Variants in CELF2 observed in about 807,000 individuals in gnomAD.
CELF2 encodes the protein CUG triplet repeat RNA-binding protein 2.
CELF2 carries 8 observed loss-of-function variants against 62.6 expected under a neutral mutation model. The ratio of observed to expected loss-of-function variants is 0.13; its 90% CI spans 0.07 to 0.23. CELF2 has a LOEUF of 0.23. Ranked by LOEUF, CELF2 falls within the 10% of genes least tolerant of loss-of-function variation. The pLI is 1.00. For synonymous variants in CELF2, 258 were observed against 250.0 expected, an observed-to-expected ratio of 1.03 and a Z score of -0.30; for missense variants, 333 against 671.0, an observed-to-expected ratio of 0.50 and a Z score of 5.56.
the CELF2 span, among the ~76,000 whole-genome samples, chr10:10,483,529 C>A: frequency 6.6e-6 from 1 of 152,158 alleles, no homozygotes; most frequent in Non-Finnish European, 1.5e-5. Flanking sequence ...TCTCCAAGAT[C>A]TGAAAATGAC....
Position 10,839,387 on chromosome 10 carries a change from C to T in CELF2, c.53+40570C>T, listed in dbSNP as rs190153430. On this transcript the variant is annotated intron_variant, in intron 1 of 13. Transcript: ENST00000636488. ...TCCATTACCTTCTCTCCCTGTTTATCTGGAAACTCCCACTCTAACAGTGAG... is the reference window on the plus strand; with the variant it reads ...TCCATTACCTTCTCTCCCTGTTTATTTGGAAACTCCCACTCTAACAGTGAG... 1.8e-4 allele frequency among the ~76,000 whole-genome samples: 27 copies of T among 152,292 alleles called. No individual in the cohort carries two copies. In the East Asian group the frequency reaches 4.8e-3, roughly 27 times the overall value.
chr10:10,671,887 A>T, the CELF2 span, among the ~76,000 whole-genome samples: 1 of 151,894 alleles, frequency 6.6e-6, no homozygotes, highest in Non-Finnish European at 1.5e-5. Context: ...ACGCTGCCAC[A>T]CTTGGCTAAT....
chr10:11,007,092 ATG>A (rs2055406893), intron 1 of CELF2, among the ~76,000 whole-genome samples: 1 of 152,212 alleles, frequency 6.6e-6, no homozygotes, highest in African/African-American at 2.4e-5. Context: ...TAACATTCTA[ATG>A]TGTTGCTTAA....
At position 11,306,014 on chromosome 10, in the gene CELF2, T is replaced by C. The variant is rs180775159; in HGVS notation, c.977-8125T>C. 7.1e-4 allele frequency among the ~76,000 whole-genome samples: 108 copies of C among 152,328 alleles called. No homozygotes were observed. Among genetic ancestry groups the C allele is most frequent in the Middle Eastern group, 3.4e-3 (1 of 294 alleles). ...GCCATCCTTGCCTGCTCAACCATTC[T>C]CTTTCCTGGCACGCCAGCTGGCCTG... is the stretch of plus-strand genomic sequence containing the variant. On this transcript the variant is annotated intron_variant, in intron 9 of 12. Transcript: ENST00000633077. This position sits in a 1 kb window ranked among gnomAD's most constrained non-coding sequence, Gnocchi z 4.4.
At chr10:11,162,406 G>C (rs1422608145) in intron 1 of CELF2, among the ~76,000 whole-genome samples, 1 of 152,210 alleles carries the variant, frequency 6.6e-6, no homozygotes, top group African/African-American at 2.4e-5. Context: ...ACTTAAGGAA[G>C]GGATTGTCCT....
intron 2 of CELF2, among the ~76,000 whole-genome samples, chr10:11,193,817 A>G (rs1322389414): frequency 6.6e-6 from 1 of 152,242 alleles, no homozygotes; most frequent in Admixed American, 6.5e-5. Context: ...GAAATTCAAA[A>G]AAGTGCCCAT....
chr10:10,767,482 A>G, the CELF2 span, among the ~76,000 whole-genome samples: 1 of 152,202 alleles, frequency 6.6e-6, no homozygotes, highest in Admixed American at 6.5e-5. Flanking sequence ...AATAAATAAA[A>G]TATATATGTT....
the CELF2 span, among the ~76,000 whole-genome samples, chr10:10,556,663 T>A: frequency 6.6e-6 from 1 of 152,126 alleles, no homozygotes; most frequent in Non-Finnish European, 1.5e-5. Flanking sequence ...TGTAAAAGTG[T>A]TCCTGTTTCT....
intron 2 of CELF2, chr10:10,927,331 A>G (rs2134995057): frequency 7.5e-6 from 1 of 133,150 alleles, no homozygotes; most frequent in African/African-American, 3.0e-5. Context: ...CACTCAAAGG[A>G]GAACCTAGTG....
At chr10:10,815,357 C>G (rs2131832651) in intron 1 of CELF2, among the ~76,000 whole-genome samples, 1 of 151,580 alleles carries the variant, frequency 6.6e-6, no homozygotes, top group Admixed American at 6.6e-5. Flanking sequence ...AGGAAATGGT[C>G]ATTATTTATA....
intron 2 of CELF2, among the ~76,000 whole-genome samples, chr10:10,955,410 C>G (rs1217104309): frequency 1.3e-5 from 2 of 152,238 alleles, no homozygotes; most frequent in Non-Finnish European, 2.9e-5. Context: ...CAACCCAGAT[C>G]TATTGAATCT....
intron 1 of CELF2, among the ~76,000 whole-genome samples, chr10:10,879,317 A>G (rs774208446): frequency 7.9e-5 from 12 of 152,188 alleles, no homozygotes; most frequent in Admixed American, 3.9e-4. Context: ...TCCAACATAT[A>G]CAATACTTAG....
In CELF2 at chr10:11,255,662, G is replaced by A. The variant is rs1046868698; in HGVS notation, c.404-2076G>A. On this transcript the variant is annotated intron_variant, in intron 4 of 12. Coordinates refer to ENST00000633077, the MANE Select transcript of CELF2 (RefSeq NM_001326342.2). The surrounding 1 kb of genome is among the most constrained non-coding windows in gnomAD (Gnocchi z 5.5). ...AGCTGTCACAGTGGGGAGAGAGCTGGGTGGAAGGGATTCTGACCCCCCACT... is the reference window on the plus strand; with the variant it reads ...AGCTGTCACAGTGGGGAGAGAGCTGAGTGGAAGGGATTCTGACCCCCCACT... Among the ~76,000 whole-genome samples, 2 of 152,008 alleles carry A rather than the reference G, an allele frequency of 1.3e-5. No individual in the cohort carries two copies. Among genetic ancestry groups the A allele is most frequent in the African/African-American group, 4.8e-5 (2 of 41,362 alleles).
chr10:11,126,325 G>C (rs189618097), intron 1 of CELF2, among the ~76,000 whole-genome samples: 1 of 152,012 alleles, frequency 6.6e-6, no homozygotes, highest in African/African-American at 2.4e-5. Context: ...CACATTTCAG[G>C]GTGTCAAAAA....
chr10:10,637,791 C>A, the CELF2 span, among the ~76,000 whole-genome samples: 3 of 152,172 alleles, frequency 2.0e-5, no homozygotes, highest in Non-Finnish European at 4.4e-5. Flanking sequence ...CATTGTCAGC[C>A]CCGTTTGGTC....
At chr10:10,612,174 G>C in the CELF2 span, among the ~76,000 whole-genome samples, 3 of 152,092 alleles carry the variant, frequency 2.0e-5, no homozygotes, top group Non-Finnish European at 4.4e-5. Context: ...CACTGGGTGG[G>C]GGAACTATGA....
intron 1 of CELF2, among the ~76,000 whole-genome samples, chr10:11,097,704 T>G (rs2142289157): frequency 6.6e-6 from 1 of 152,358 alleles, no homozygotes; most frequent in Non-Finnish European, 1.5e-5. Context: ...TGTTCTTGCC[T>G]TTTTGGTTTT....
intron 1 of CELF2, among the ~76,000 whole-genome samples, chr10:11,007,968 G>T (rs1300219448): frequency 6.6e-6 from 1 of 152,104 alleles, no homozygotes; most frequent in African/African-American, 2.4e-5. Flanking sequence ...CTTTTCCGGT[G>T]GTTGGATTAT....
chr10:11,126,285 A>G (rs1211211689), intron 1 of CELF2, among the ~76,000 whole-genome samples: 1 of 152,132 alleles, frequency 6.6e-6, no homozygotes, highest in Non-Finnish European at 1.5e-5. Context: ...TCTGCTAACC[A>G]TTTCTTGCCT....
Sources: gnomAD v4.1 joint callset for allele counts (sites outside exome capture counted in the v4.1 genomes callset) on GRCh38, gnomAD v4.1.1 for gene constraint, Gnocchi (gnomAD v3.1) non-coding constraint, MANE v1.5 for transcripts, NCBI Gene and HGNC (gene_info 2026-07-23, HGNC 2026-07-21) for gene names.